AGAP1: variants seen among roughly 807,000 people sequenced by gnomAD.
AGAP1 encodes the protein ArfGAP with GTPase domain, ankyrin repeat and PH domain 1, also known as arf-GAP with GTPase, ANK repeat and PH domain-containing protein 1.
A neutral mutation model predicts 105.3 loss-of-function variants in AGAP1; 29 were observed. The observed-to-expected ratio is 0.28, with a 90% CI of 0.21 to 0.38. The LOEUF (loss-of-function observed/expected upper bound fraction) is 0.38, where lower values mean the gene tolerates loss of function less well. Among genes scored for constraint, AGAP1 ranks in the 10% least tolerant of loss-of-function variants. AGAP1 has a pLI of 1.00. For synonymous variants in AGAP1, 509 were observed against 485.9 expected (o/e 1.05, Z -0.63); for missense variants, 998 against 1,165.1 (o/e 0.86, Z 2.09).
In AGAP1 at chr2:235,893,186, G is replaced by T. The variant is rs188310410; in HGVS notation, c.1155+9737G>T. Among the ~76,000 whole-genome samples the T allele has an allele frequency of 1.3e-5, 2 of 151,766 alleles. No homozygotes were observed. Among genetic ancestry groups the T allele is most frequent in the South Asian group, 4.2e-4 (2 of 4,770 alleles). On this transcript the variant is annotated intron_variant, in intron 10 of 17. Coordinates refer to ENST00000304032, the MANE Select transcript of AGAP1 (RefSeq NM_001037131.3). The surrounding 1 kb of genome is among the most constrained non-coding windows in gnomAD (Gnocchi z 4.7). Reference sequence around the variant, plus strand: ...TAAGGGAGCGCTGTGTCTTTGGCGCGGGTGTGGCGTGGGTGTGCCATGTCC... The same window carrying T: ...TAAGGGAGCGCTGTGTCTTTGGCGCTGGTGTGGCGTGGGTGTGCCATGTCC...
chr2:235,981,951 C>CATATAAA lies in AGAP1; in HGVS notation c.1645+13332_1645+13338dup, dbSNP rs1382420438. ...TAGGATTCTTCCTACAGAAGAAGTT[C>CATATAAA]ATATAAAATAAGGGGTTTTATTATG... On this transcript the variant is annotated intron_variant, in intron 13 of 17. Transcript: ENST00000304032. The surrounding 1 kb of genome is among the most constrained non-coding windows in gnomAD (Gnocchi z 5.5). Among the ~76,000 whole-genome samples, 2 of 152,106 alleles carry CATATAAA rather than the reference C, an allele frequency of 1.3e-5. No individual in the cohort carries two copies. Among genetic ancestry groups the CATATAAA allele is most frequent in the Non-Finnish European group, 2.9e-5 (2 of 68,014 alleles).
At chr2:236,047,598 CTTTTTT>C (rs59007077) in intron 15 of AGAP1, among the ~76,000 whole-genome samples, 1 of 68,270 alleles carries the variant, frequency 1.5e-5, no homozygotes, top group Non-Finnish European at 2.5e-5. Context: ...TCTCACATTT[CTTTTTT>C]TTTTTTTTTT....
At position 236,009,097 on chromosome 2, in the gene AGAP1, G is replaced by A. The variant is rs1399992872; in HGVS notation, c.1646-27464G>A. 2.6e-5 allele frequency among the ~76,000 whole-genome samples: 4 copies of A among 152,192 alleles called. No individual in the cohort carries two copies. The highest frequency in any genetic ancestry group is 9.7e-5 in the African/African-American group (4 of 41,422). ...TCTGTGAGCTCTCCGCTAGGAAGCG[G>A]CCATCATGTCAAGCCCCTTCACAGC... On this transcript the variant is annotated intron_variant, in intron 13 of 17. Transcript: ENST00000304032. The surrounding 1 kb of genome is among the most constrained non-coding windows in gnomAD (Gnocchi z 4.2).
At chr2:235,710,503 G>A (rs969935540) in intron 2 of AGAP1, among the ~76,000 whole-genome samples, 65 of 152,154 alleles carry the variant, frequency 4.3e-4, no homozygotes, top group Admixed American at 3.9e-4. Flanking sequence ...TCTGCCCCCC[G>A]CCCCATTCCT....
At chr2:235,507,102 CTT>C (rs1447699096) in intron 1 of AGAP1, 1 of 152,822 alleles carries the variant, frequency 6.5e-6, no homozygotes, top group Non-Finnish European at 1.5e-5. Flanking sequence ...TGAGTCGTCT[CTT>C]TAATGCTGAG....
rs934323414 is a variant in AGAP1, at chr2:236,128,988, C to T, written c.*4866C>T. On this transcript the variant is annotated 3_prime_UTR_variant, in exon 18 of 18. Transcript: ENST00000304032. This position sits in a 1 kb window ranked among gnomAD's most constrained non-coding sequence, Gnocchi z 5.9. ...AAAAGTGCTGGAGATACACATCTTTCCTTCAAAGGAAATGTAATTTATTTC... is the reference window on the plus strand; with the variant it reads ...AAAAGTGCTGGAGATACACATCTTTTCTTCAAAGGAAATGTAATTTATTTC... 8 of 152,230 alleles carry T rather than the reference C, an allele frequency of 5.3e-5. No homozygotes were observed. The highest frequency in any genetic ancestry group is 1.2e-4 in the Non-Finnish European group (8 of 68,052). 9.4% of individuals were successfully genotyped at this position (152,230 alleles called of 1,614,324 possible).
chr2:236,118,514 C>T (rs561358757), intron 16 of AGAP1, among the ~76,000 whole-genome samples: 2 of 151,740 alleles, frequency 1.3e-5, no homozygotes, highest in East Asian at 1.9e-4. Flanking sequence ...CTCGGCTTCC[C>T]GAGTAGCTGG....
intron 9 of AGAP1, among the ~76,000 whole-genome samples, chr2:235,810,833 C>CT (rs76910320): frequency 0.046 from 5,215 of 113,082 alleles, 183 homozygotes; most frequent in South Asian, 0.12. Flanking sequence ...AATTCGGTTT[C>CT]TTTTTTTTTT....
At chr2:235,613,848 A>G (rs1946220286) in intron 1 of AGAP1, among the ~76,000 whole-genome samples, 1 of 152,226 alleles carries the variant, frequency 6.6e-6, no homozygotes, top group Non-Finnish European at 1.5e-5. Flanking sequence ...GGCTGTAATT[A>G]ACAGTGAATT....
intron 1 of AGAP1, among the ~76,000 whole-genome samples, chr2:235,579,323 C>T (rs78633812): frequency 0.022 from 3,349 of 152,264 alleles, 41 homozygotes; most frequent in Middle Eastern, 0.065. Context: ...CTTCCCATGC[C>T]CTGAGGTCTC....
intron 1 of AGAP1, among the ~76,000 whole-genome samples, chr2:235,649,424 G>A (rs1334720015): frequency 1.3e-5 from 2 of 152,120 alleles, no homozygotes; most frequent in Non-Finnish European, 2.9e-5. Context: ...CTCAGGCTGG[G>A]GTGTAGTGGT....
chr2:236,003,605 C>T lies in AGAP1; in HGVS notation c.1646-32956C>T, dbSNP rs1277373063. 2.0e-5 allele frequency among the ~76,000 whole-genome samples: 3 copies of T among 152,174 alleles called. No homozygotes were observed. The highest frequency in any genetic ancestry group is 7.2e-5 in the African/African-American group (3 of 41,440). On this transcript the variant is annotated intron_variant, in intron 13 of 17. Transcript: ENST00000304032. The surrounding 1 kb of genome is among the most constrained non-coding windows in gnomAD (Gnocchi z 4.2). ...TACCCTTAAGTCCCACATCCAAGCTCCCTCCACCCCACACTCTCCCTTGGA... is the reference window on the plus strand; with the variant it reads ...TACCCTTAAGTCCCACATCCAAGCTTCCTCCACCCCACACTCTCCCTTGGA...
intron 1 of AGAP1, among the ~76,000 whole-genome samples, chr2:235,520,045 G>T (rs1942557317): frequency 6.6e-6 from 1 of 152,154 alleles, no homozygotes; most frequent in African/African-American, 2.4e-5. Context: ...GCCTCCCAAT[G>T]TGCTGGGATT....
chr2:236,023,070 C>T (rs1011704645), intron 13 of AGAP1, among the ~76,000 whole-genome samples: 2 of 152,078 alleles, frequency 1.3e-5, no homozygotes, highest in African/African-American at 4.8e-5. Context: ...CGGGTGTGTG[C>T]GTGACATTGC....
intron 9 of AGAP1, among the ~76,000 whole-genome samples, chr2:235,835,430 A>G (rs1225609032): frequency 6.6e-6 from 1 of 152,012 alleles, no homozygotes; most frequent in African/African-American, 2.4e-5. Context: ...TTCTTCCTTC[A>G]TCTACGTCTG....
At chr2:236,075,310 T>G (rs763885047) in intron 16 of AGAP1, among the ~76,000 whole-genome samples, 2 of 152,128 alleles carry the variant, frequency 1.3e-5, no homozygotes, top group African/African-American at 4.8e-5. Flanking sequence ...TTTTATGATA[T>G]GTAAATTATA....
intron 1 of AGAP1, among the ~76,000 whole-genome samples, chr2:235,685,999 G>C (rs1281670693): frequency 6.6e-6 from 1 of 152,178 alleles, no homozygotes; most frequent in African/African-American, 2.4e-5. Flanking sequence ...CTTTCCAAAG[G>C]AGGCAATCAG....
intron 9 of AGAP1, among the ~76,000 whole-genome samples, chr2:235,844,169 C>T (rs972262944): frequency 1.3e-5 from 2 of 152,240 alleles, no homozygotes; most frequent in African/African-American, 4.8e-5. Context: ...GCCTCCCCTG[C>T]CGGTCTGGAG....
rs10202566 is a variant in AGAP1, at chr2:235,535,144, C to G, written c.163+40295C>G. Among the ~76,000 whole-genome samples the G allele has an allele frequency of 0.024, 3,616 of 152,224 alleles. 155 individuals carry two copies. Among genetic ancestry groups the G allele is most frequent in the African/African-American group, 0.082 (3,389 of 41,534 alleles). ...AATACTTATCCGCAGGGGTGTGTGCCAGGCAGCCCAGGTCAGCCTCCCTCC... is the reference window on the plus strand; with the variant it reads ...AATACTTATCCGCAGGGGTGTGTGCGAGGCAGCCCAGGTCAGCCTCCCTCC... On this transcript the variant is annotated intron_variant, in intron 1 of 17. Transcript: ENST00000304032. The surrounding 1 kb of genome is among the most constrained non-coding windows in gnomAD (Gnocchi z 5.1).
Sources: gnomAD v4.1 joint callset for allele counts (sites outside exome capture counted in the v4.1 genomes callset) on GRCh38, gnomAD v4.1.1 for gene constraint, Gnocchi (gnomAD v3.1) non-coding constraint, MANE v1.5 for transcripts, NCBI Gene and HGNC (gene_info 2026-07-23, HGNC 2026-07-21) for gene names.